The following ANK3 variants were observed in gnomAD, a reference collection of about 807,000 sequenced individuals.
ANK3 encodes the protein ankyrin 3.
In ANK3, 57 loss-of-function variants were observed where a neutral mutation model predicts 370.9. The ratio of observed to expected loss-of-function variants is 0.15; its 90% CI spans 0.12 to 0.19. The LOEUF is 0.19. Ranked by LOEUF, ANK3 falls within the 10% of genes least tolerant of loss-of-function variation. The pLI, the probability that ANK3 is intolerant of heterozygous loss-of-function variation, is 1.00. For missense variants in ANK3, 4,439 were observed against 5,302.1 expected, an observed-to-expected ratio of 0.84 and a Z score of 5.06; for synonymous variants, 1,929 against 1,946.3, an observed-to-expected ratio of 0.99 and a Z score of 0.23.
At chr10:60,384,358 CTACAA>C (rs2061966480) in intron 1 of ANK3, among the ~76,000 whole-genome samples, 2 of 152,178 alleles carry the variant, frequency 1.3e-5, no homozygotes, top group African/African-American at 4.8e-5. Flanking sequence ...AAAACAGACA[CTACAA>C]TACTGAATTA....
At chr10:60,231,616 C>T (rs1335480096) in intron 8 of ANK3, among the ~76,000 whole-genome samples, 5 of 152,092 alleles carry the variant, frequency 3.3e-5, no homozygotes, top group East Asian at 1.9e-4. Flanking sequence ...CATTTTAGCC[C>T]GCTCCTTCCC....
intron 2 of ANK3, among the ~76,000 whole-genome samples, chr10:60,430,179 C>A (rs921167304): frequency 2.6e-5 from 4 of 152,160 alleles, no homozygotes; most frequent in African/African-American, 9.7e-5. Flanking sequence ...TGGTAGATGG[C>A]TCATAGGCTT....
At chr10:60,143,229 T>A (rs1303703040) in intron 23 of ANK3, among the ~76,000 whole-genome samples, 1 of 151,926 alleles carries the variant, frequency 6.6e-6, no homozygotes, top group Non-Finnish European at 1.5e-5. Flanking sequence ...GTTGATGGAA[T>A]GAATGAATGA....
chr10:60,558,026 T>C (rs1360272162), intron 2 of ANK3, among the ~76,000 whole-genome samples: 2 of 152,128 alleles, frequency 1.3e-5, no homozygotes, highest in Admixed American at 1.3e-4. Context: ...GGTAGAGATG[T>C]TGAATGGAAG....
intron 16 of ANK3, among the ~76,000 whole-genome samples, chr10:60,192,394 T>C (rs1274978103): frequency 2.0e-5 from 3 of 150,440 alleles, no homozygotes; most frequent in Non-Finnish European, 4.4e-5. Flanking sequence ...GTTTGACAAA[T>C]ATAAAGCTGG....
At chr10:60,192,414 GTATATAATTATATATAATTATAATA>G (rs1157152676) in intron 16 of ANK3, among the ~76,000 whole-genome samples, 3 of 149,814 alleles carry the variant, frequency 2.0e-5, no homozygotes, top group Middle Eastern at 3.6e-3. Context: ...GAAATAAGTT[GTATATAATTATATATAATTATAATA>G]TATACAATTT....
At chr10:60,520,906 T>C (rs1000937197) in intron 2 of ANK3, among the ~76,000 whole-genome samples, 1 of 151,308 alleles carries the variant, frequency 6.6e-6, no homozygotes, top group African/African-American at 2.4e-5. Flanking sequence ...TCAAAAGTCC[T>C]AATCATTTTT....
intron 1 of ANK3, among the ~76,000 whole-genome samples, chr10:60,665,128 G>A (rs1292538077): frequency 2.6e-5 from 4 of 152,074 alleles, no homozygotes; most frequent in South Asian, 2.1e-4. Context: ...GTAGCTTAAC[G>A]ATGCGAACCC....
rs1173272947 is a variant in ANK3 at position 60,069,022 on chromosome 10, C to T, written c.11859G>A (p.Lys3953=). ...TGGTAGTGACACAGGTGGATCTTAC[C>T]TTTACTGGCAACTTGGATGGAAGCT... The part of the protein sequence containing the change: ...AKQLPSKLPV[K]VRSTCVTTTT... The change falls in exon 37 of 44, where the codon AAG becomes AAA. Residue 3953 remains lysine (K), a synonymous_variant. Transcript: ENST00000280772. 1 of 1,613,744 alleles carries T rather than the reference C, an allele frequency of 6.2e-7. No homozygotes were observed. The highest frequency in any genetic ancestry group is 8.5e-7 in the Non-Finnish European group (1 of 1,179,914).
At chr10:60,464,209 A>G (rs1481656000) in intron 2 of ANK3, among the ~76,000 whole-genome samples, 2 of 152,184 alleles carry the variant, frequency 1.3e-5, no homozygotes, top group Non-Finnish European at 2.9e-5. Flanking sequence ...GAGCTAATCA[A>G]GAGGTGAGAA....
At chr10:60,390,103 T>A (rs1163367836), upstream of ANK3, among the ~76,000 whole-genome samples, 10 of 152,212 alleles carry the variant, frequency 6.6e-5, no homozygotes, top group Non-Finnish European at 8.8e-5. Context: ...CAACTGCTGA[T>A]GGTGACAAAA....
intron 2 of ANK3, among the ~76,000 whole-genome samples, chr10:60,470,523 G>C (rs902304462): frequency 1.3e-5 from 2 of 152,118 alleles, no homozygotes; most frequent in East Asian, 3.8e-4. Flanking sequence ...CAAAAATAGA[G>C]AATGTCAGAA....
chr10:60,537,522 C>A (rs1036171311), intron 2 of ANK3, among the ~76,000 whole-genome samples: 1 of 151,790 alleles, frequency 6.6e-6, no homozygotes, highest in Non-Finnish European at 1.5e-5. Flanking sequence ...AGATATCCCA[C>A]CTAATTATTC....
rs555312210 is a variant in ANK3, at chr10:60,223,922, T to G, written c.898-10412A>C. Among the ~76,000 whole-genome samples, 5 of 151,370 alleles carry G rather than the reference T, an allele frequency of 3.3e-5. No individual in the cohort carries two copies. In the East Asian group the frequency reaches 9.7e-4, roughly 29 times the overall value. On this transcript the variant is annotated intron_variant, in intron 8 of 43. Coordinates refer to ENST00000280772, the MANE Select transcript of ANK3 (RefSeq NM_020987.5). ...GTAGCAGAGAACTGGCATATTCATTTCCCTAAAATTAGAGCCACGCTTTTT... is the reference window on the plus strand; with the variant it reads ...GTAGCAGAGAACTGGCATATTCATTGCCCTAAAATTAGAGCCACGCTTTTT...
In ANK3 at chr10:60,583,518, G is replaced by GT. The variant is rs970464761; in HGVS notation, c.96+31667dup. On this transcript the variant is annotated intron_variant, in intron 2 of 43. Coordinates refer to the ANK3 transcript ENST00000373827. ...CTTACAGAGAGGTTTTTTGTTTTTT[G>GT]TTTTTTGTTTTTTTTTGAGGTGGAA... is the stretch of plus-strand genomic sequence containing the variant. Among the ~76,000 whole-genome samples, 27 of 105,820 alleles carry GT rather than the reference G, an allele frequency of 2.6e-4. 3 individuals carry two copies. The South Asian group carries it at 7.2e-3, about 28-fold the overall frequency. 69.4% of individuals were successfully genotyped at this position (105,820 alleles called of 152,430 possible).
intron 2 of ANK3, among the ~76,000 whole-genome samples, chr10:60,561,676 C>T (rs2077337533): frequency 6.6e-6 from 1 of 152,130 alleles, no homozygotes; most frequent in South Asian, 2.1e-4. Context: ...AAGTTCATGC[C>T]AACTGGGACA....
chr10:60,640,175 C>T (rs926600500), intron 1 of ANK3, among the ~76,000 whole-genome samples: 3 of 151,526 alleles, frequency 2.0e-5, no homozygotes, highest in Non-Finnish European at 4.4e-5. Context: ...GAGTCCAGGA[C>T]CAGATGGATT....
rs1003527535 is a variant in ANK3 at position 60,068,680 on chromosome 10, C to G, written c.12201G>C (p.Lys4067Asn). The G allele has an allele frequency of 6.2e-7, 1 of 1,613,016 alleles. No homozygotes were observed. The highest frequency in any genetic ancestry group is 1.3e-5 in the African/African-American group (1 of 74,838). The change falls in exon 37 of 44, where the codon AAG becomes AAC. Residue 4067 changes from lysine (K) to asparagine (N), a missense_variant. By Grantham distance (94) the Lys-to-Asn change is moderately conservative. Coordinates refer to ENST00000280772, the MANE Select transcript of ANK3 (RefSeq NM_020987.5). Reference protein sequence around the residue: ...KKTEAAPLKSKSEKAGSEKRS... With the variant: ...KKTEAAPLKSNSEKAGSEKRS... ...TTTTCTCACTGCCGGCCTTTTCACT[C>G]TTTGATTTTAAAGGTGCTGCCTCTG...
chr10:60,624,868 T>C (rs550466287), intron 1 of ANK3, among the ~76,000 whole-genome samples: 71 of 152,188 alleles, frequency 4.7e-4, no homozygotes, highest in African/African-American at 1.6e-3. Context: ...AAATGGTTAG[T>C]AAATGAAAGT....
Sources: allele counts gnomAD v4.1 joint callset (sites outside exome capture counted in the v4.1 genomes callset), GRCh38; gene constraint gnomAD v4.1.1; transcripts MANE v1.5; gene names NCBI Gene and HGNC (gene_info 2026-07-23, HGNC 2026-07-21).